Variants in PRLR observed in about 807,000 individuals in gnomAD.
PRLR encodes prolactin receptor.
In PRLR, 13 loss-of-function variants were observed where a neutral mutation model predicts 40.2. That is an observed-to-expected ratio of 0.32 (90% CI 0.21 to 0.51). The LOEUF is 0.51. Ranked by LOEUF, PRLR falls within the 20% of genes least tolerant of loss-of-function variation. The probability of loss-of-function intolerance (pLI) is 0.97; values close to 1 mark genes in which losing one functional copy is unlikely to be tolerated. For synonymous variants in PRLR, 269 were observed against 278.7 expected (o/e 0.97, Z 0.35); for missense variants, 656 against 747.3 (o/e 0.88, Z 1.42).
At chr5:35,136,650 C>T (rs1232833487) in intron 1 of PRLR, among the ~76,000 whole-genome samples, 3 of 152,118 alleles carry the variant, frequency 2.0e-5, no homozygotes, top group Non-Finnish European at 4.4e-5. Flanking sequence ...CCTTGAGAGG[C>T]CCAGTTCCTA....
Position 35,086,208 on chromosome 5 carries a change from C to T in PRLR, c.203G>A (p.Gly68Glu), listed in dbSNP as rs1770839233. The T allele has an allele frequency of 6.2e-7, 1 of 1,613,812 alleles. No homozygotes were observed. The highest frequency in any genetic ancestry group is 8.5e-7 in the Non-Finnish European group (1 of 1,179,864). Residue 68 changes from glycine to glutamate, a missense_variant and splice_region_variant, in exon 4 of 10, where the codon GGA becomes GAA. By Grantham distance (98) the Gly-to-Glu change is moderately conservative. Around this residue, in one of 3 missense-constraint regions of PRLR, gnomAD observed 180 missense variants for 236.8 expected, o/e 0.76. Coordinates refer to ENST00000618457, the MANE Select transcript of PRLR (RefSeq NM_000949.7). ...TNYSLTYHREGETLMHECPDY... is the reference protein window; with the variant it reads ...TNYSLTYHREEETLMHECPDY... ...CATAGGAGAGAAGGGAACTTCTTAC[C>T]CTTCCCTGTGGTAAGTCAGTGAATA...
intron 2 of PRLR, among the ~76,000 whole-genome samples, chr5:35,111,350 C>T (rs1036119563): frequency 1.3e-5 from 2 of 152,036 alleles, no homozygotes; most frequent in Non-Finnish European, 2.9e-5. Flanking sequence ...TGGATGGTAA[C>T]ACTGAGTTTG....
Position 35,070,161 on chromosome 5 carries a change from A to G in PRLR, c.648T>C (p.Ser216=), listed in dbSNP as rs1242411922. The G allele has an allele frequency of 6.2e-7, 1 of 1,613,880 alleles. No homozygotes were observed. Among genetic ancestry groups the G allele is most frequent in the African/African-American group, 1.3e-5 (1 of 75,018 alleles). ...GAATGAAGGTCGCTGGACTCCATGC[A>G]CTCCAGTATCCATGGTCTGGTTTGC... is the stretch of plus-strand genomic sequence containing the variant. ...VRCKPDHGYW[S]AWSPATFIQI... Residue 216 remains serine (S), a synonymous_variant, in exon 7 of 10, where the codon AGT becomes AGC. Transcript: ENST00000618457.
chr5:35,219,095 G>C lies in PRLR; in HGVS notation c.-106+11173C>G, dbSNP rs550844333. Among the ~76,000 whole-genome samples the C allele has an allele frequency of 7.9e-5, 12 of 152,274 alleles. No individual in the cohort carries two copies. The South Asian group carries it at 2.3e-3, about 29-fold the overall frequency. The stretch of plus-strand genomic sequence containing the variant: ...GTTTAGATGTGAGGCCTTCCTGGAG[G>C]GGGGTTGGATCATTCAGCCTCTAGA... On this transcript the variant is annotated intron_variant, in intron 1 of 9. Transcript: ENST00000618457.
At chr5:35,083,520 TTTTC>T (rs1290078107) in intron 5 of PRLR, among the ~76,000 whole-genome samples, 37 of 145,268 alleles carry the variant, frequency 2.5e-4, no homozygotes, top group African/African-American at 1.0e-3. Flanking sequence ...CTTTCTTTTC[TTTTC>T]TTTTTTTTTT....
intron 1 of PRLR, among the ~76,000 whole-genome samples, chr5:35,204,731 C>G (rs934279924): frequency 6.6e-6 from 1 of 152,110 alleles, no homozygotes. Flanking sequence ...ACAATGCTAG[C>G]AGTAGAAGAA....
At chr5:35,049,287 C>G (rs1768392525) in exon 9 of PRLR, 1 of 703,378 alleles carries the variant, frequency 1.4e-6, no homozygotes, top group Admixed American at 2.0e-5. Context: ...CTCTTCAGCT[C>G]TACTGGACTG....
chr5:35,066,832 C>T (rs147916641), intron 9 of PRLR, among the ~76,000 whole-genome samples: 14 of 143,136 alleles, frequency 9.8e-5, no homozygotes, highest in African/African-American at 1.9e-4. Context: ...GGCATGATCT[C>T]GGATCACTGC....
intron 2 of PRLR, among the ~76,000 whole-genome samples, chr5:35,102,452 T>G (rs1478328689): frequency 6.6e-6 from 1 of 151,656 alleles, no homozygotes. Flanking sequence ...TGCTTTTCTT[T>G]CCTTTCCTGT....
rs75155625 is a variant in PRLR, at chr5:35,174,241, C to T, written c.-106+56027G>A. Among the ~76,000 whole-genome samples, 1,294 of 152,254 alleles carry T rather than the reference C, an allele frequency of 8.5e-3. 21 individuals are homozygous for T. Among genetic ancestry groups the T allele is most frequent in the African/African-American group, 0.029 (1,213 of 41,534 alleles). On this transcript the variant is annotated intron_variant, in intron 1 of 9. Coordinates refer to ENST00000618457, the MANE Select transcript of PRLR (RefSeq NM_000949.7). ...AGTAGCTGGGACTACAGGCGTAGGC[C>T]GCCACGCCCGGCTAATTTTTTGTAT...
chr5:35,112,646 C>T (rs1772734291), intron 2 of PRLR, among the ~76,000 whole-genome samples: 1 of 152,118 alleles, frequency 6.6e-6, no homozygotes, highest in African/African-American at 2.4e-5. Context: ...GACATTACTA[C>T]CAGTCCCAAA....
At chr5:35,115,609 C>A (rs66519917) in intron 2 of PRLR, among the ~76,000 whole-genome samples, 9,209 of 151,774 alleles carry the variant, frequency 0.061, 377 homozygotes, top group African/African-American at 0.11. Flanking sequence ...CAGAAGTGTG[C>A]GGATGGGGGC....
chr5:35,227,174 G>A (rs1776574569), intron 1 of PRLR, among the ~76,000 whole-genome samples: 2 of 152,184 alleles, frequency 1.3e-5, no homozygotes, highest in African/African-American at 4.8e-5. Flanking sequence ...GTTGCTACCC[G>A]TTAATATGTA....
chr5:35,208,892 T>C (rs1013724183), intron 1 of PRLR, among the ~76,000 whole-genome samples: 9 of 151,980 alleles, frequency 5.9e-5, no homozygotes, highest in Non-Finnish European at 8.8e-5. Context: ...TAATTATACC[T>C]AGTAGTCAAA....
chr5:35,096,625 C>CT (rs563600576), intron 2 of PRLR, among the ~76,000 whole-genome samples: 12,791 of 144,918 alleles, frequency 0.088, 812 homozygotes, highest in African/African-American at 0.18. Flanking sequence ...TCTTTACTTT[C>CT]TTTTTTTTTT....
At chr5:35,125,867 T>C (rs1214495313) in intron 1 of PRLR, among the ~76,000 whole-genome samples, 1 of 152,232 alleles carries the variant, frequency 6.6e-6, no homozygotes, top group African/African-American at 2.4e-5. Flanking sequence ...TTTCCAATTA[T>C]GTCAGCCTGG....
chr5:35,094,579 C>A (rs1771418583), intron 2 of PRLR, among the ~76,000 whole-genome samples: 1 of 152,148 alleles, frequency 6.6e-6, no homozygotes, highest in African/African-American at 2.4e-5. Flanking sequence ...CTCCTGTTAA[C>A]CTAAATTAAA....
chr5:35,068,322 T>G, intron 8 of PRLR, 37 bp from the exon 9 acceptor site: 1 of 1,561,118 alleles, frequency 6.4e-7, no homozygotes, highest in East Asian at 2.2e-5. Context: ...AAATGACTCA[T>G]TTCTGACTTT....
chr5:35,220,879 C>A (rs565286374), intron 1 of PRLR, among the ~76,000 whole-genome samples: 2 of 152,212 alleles, frequency 1.3e-5, no homozygotes, highest in Non-Finnish European at 2.9e-5. Flanking sequence ...AACCTGGTTT[C>A]TTTTTGTTAT....
Sources: allele counts gnomAD v4.1 joint callset (sites outside exome capture counted in the v4.1 genomes callset), GRCh38; gene constraint gnomAD v4.1.1; regional missense constraint gnomAD v4.1.1; transcripts MANE v1.5; gene names NCBI Gene and HGNC (gene_info 2026-07-23, HGNC 2026-07-21).